Variants in CALCR observed in about 807,000 individuals in gnomAD.
CALCR encodes the protein calcitonin receptor.
A neutral mutation model predicts 59.5 loss-of-function variants in CALCR; 47 were observed. The observed-to-expected ratio is 0.79, with a 90% CI of 0.63 to 1.01. The LOEUF (loss-of-function observed/expected upper bound fraction) is 1.01. Ranked by LOEUF, CALCR falls within the 50% of genes least tolerant of loss-of-function variation. The pLI is 0.00. For missense variants in CALCR, 566 were observed against 597.1 expected (o/e 0.95, Z 0.54); for synonymous variants, 213 against 211.3 (o/e 1.01, Z -0.07).
At chr7:93,556,986 C>T (rs544459228) in intron 2 of CALCR, among the ~76,000 whole-genome samples, 22 of 152,026 alleles carry the variant, frequency 1.4e-4, no homozygotes, top group Non-Finnish European at 2.9e-4. Flanking sequence ...TTTTCTGCTT[C>T]TCTTTGATTA....
At chr7:93,498,850 A>G (rs958146061) in intron 2 of CALCR, among the ~76,000 whole-genome samples, 1 of 151,758 alleles carries the variant, frequency 6.6e-6, no homozygotes, top group Non-Finnish European at 1.5e-5. Context: ...GATTGTAATT[A>G]GCATGTTCAA....
At chr7:93,435,127 C>T (rs928032289) in intron 12 of CALCR, among the ~76,000 whole-genome samples, 3 of 152,116 alleles carry the variant, frequency 2.0e-5, no homozygotes, top group Non-Finnish European at 4.4e-5. Flanking sequence ...GTGCGGCAGA[C>T]ACTGGACAGC....
intron 8 of CALCR, among the ~76,000 whole-genome samples, chr7:93,456,568 T>C (rs1440388317): frequency 6.6e-6 from 1 of 152,148 alleles, no homozygotes; most frequent in Non-Finnish European, 1.5e-5. Context: ...CACAGATATG[T>C]TTCCAAAATA....
chr7:93,492,886 T>C (rs992661002), intron 2 of CALCR, among the ~76,000 whole-genome samples: 1 of 151,308 alleles, frequency 6.6e-6, no homozygotes, highest in Admixed American at 6.6e-5. Context: ...AGAAAGCACA[T>C]AAAAACAACA....
intron 2 of CALCR, among the ~76,000 whole-genome samples, chr7:93,497,588 G>T (rs2115986301): frequency 6.6e-6 from 1 of 151,688 alleles, no homozygotes; most frequent in Admixed American, 6.6e-5. Flanking sequence ...TGCCCTCAGA[G>T]TGGTCTCTCC....
intron 13 of CALCR, among the ~76,000 whole-genome samples, chr7:93,427,474 A>G (rs918076028): frequency 1.3e-5 from 2 of 152,242 alleles, no homozygotes; most frequent in African/African-American, 4.8e-5. Flanking sequence ...TGCTCAGTAC[A>G]TACAACAAGC....
intron 12 of CALCR, among the ~76,000 whole-genome samples, 195 bp downstream of exon 12, chr7:93,435,757 G>A (rs1799758744): frequency 6.6e-6 from 1 of 151,052 alleles, no homozygotes; most frequent in African/African-American, 2.4e-5. Flanking sequence ...AGTGAGTTGA[G>A]ATCATGCCAC....
In CALCR at chr7:93,443,750, C is replaced by T; in HGVS notation, c.656G>A (p.Cys219Tyr). 1 of 1,612,382 alleles carries T rather than the reference C, an allele frequency of 6.2e-7. No homozygotes were observed. The highest frequency in any genetic ancestry group is 1.3e-5 in the African/African-American group (1 of 74,928). Reference protein sequence around the residue: ...GELVRRDPVSCKILHFFHQYM... With the variant: ...GELVRRDPVSYKILHFFHQYM... ...CTGGTGGAAAAAATGCAAAATCTTG[C>T]AGCTCACCTGTCAGAAAGAAAGGAA... Residue 219 changes from cysteine (C) to tyrosine (Y), a missense_variant, in exon 9 of 14, where the codon TGC becomes TAC. Physicochemically the swap from Cys to Tyr is radical, Grantham distance 194 (BLOSUM62 -2). Transcript: ENST00000426151.
intron 13 of CALCR, among the ~76,000 whole-genome samples, chr7:93,428,032 A>G (rs1438909547): frequency 6.6e-6 from 1 of 152,210 alleles, no homozygotes; most frequent in Non-Finnish European, 1.5e-5. Flanking sequence ...GGGGTTAATG[A>G]GTGCTTGCAT....
chr7:93,444,384 G>A (rs1799971450), intron 8 of CALCR, among the ~76,000 whole-genome samples: 1 of 152,028 alleles, frequency 6.6e-6, no homozygotes, highest in Non-Finnish European at 1.5e-5. Context: ...CCACACCCTT[G>A]GAAGAGTCAG....
intron 2 of CALCR, among the ~76,000 whole-genome samples, chr7:93,503,880 C>T (rs1329404933): frequency 2.0e-5 from 3 of 152,126 alleles, no homozygotes; most frequent in Non-Finnish European, 4.4e-5. Context: ...TGCCATTTCA[C>T]TGAGAACTAT....
chr7:93,510,088 A>G (rs1801511369), intron 2 of CALCR, among the ~76,000 whole-genome samples: 2 of 152,160 alleles, frequency 1.3e-5, no homozygotes, highest in African/African-American at 4.8e-5. Flanking sequence ...CTTTGTATAA[A>G]TTTCTTTGTC....
chr7:93,426,613 T>C, intron 13 of CALCR, 24 bp from the exon 14 acceptor site: 1 of 1,214,274 alleles, frequency 8.2e-7, no homozygotes, highest in Non-Finnish European at 1.2e-6. Context: ...AGGAGCCTTG[T>C]TTTTATATGA....
chr7:93,471,577 A>G (rs1800554494), intron 6 of CALCR, among the ~76,000 whole-genome samples: 1 of 151,884 alleles, frequency 6.6e-6, no homozygotes, highest in African/African-American at 2.4e-5. Context: ...ATTATTTAGT[A>G]TACAGGCCTA....
At chr7:93,510,584 A>G (rs1801523987) in intron 2 of CALCR, among the ~76,000 whole-genome samples, 1 of 152,148 alleles carries the variant, frequency 6.6e-6, no homozygotes, top group African/African-American at 2.4e-5. Context: ...GTCTCTAAAG[A>G]GGGTGGGGTA....
At chr7:93,489,498 A>T (rs998554238) in intron 2 of CALCR, among the ~76,000 whole-genome samples, 12 of 151,696 alleles carry the variant, frequency 7.9e-5, no homozygotes, top group Admixed American at 2.0e-4. Context: ...AAAAAAATTT[A>T]AAAAATAGAT....
At chr7:93,490,926 CA>C (rs926956404) in intron 2 of CALCR, among the ~76,000 whole-genome samples, 4 of 150,332 alleles carry the variant, frequency 2.7e-5, no homozygotes, top group Non-Finnish European at 3.0e-5. Flanking sequence ...CGTATGGGAT[CA>C]AAAAAAAACC....
intron 6 of CALCR, among the ~76,000 whole-genome samples, chr7:93,471,668 T>C (rs1800556518): frequency 6.6e-6 from 1 of 151,770 alleles, no homozygotes; most frequent in South Asian, 2.1e-4. Context: ...ATTGACCAAC[T>C]GTAACTCCTT....
intron 8 of CALCR, among the ~76,000 whole-genome samples, chr7:93,456,156 A>G (rs1800204837): frequency 1.3e-5 from 2 of 152,154 alleles, no homozygotes; most frequent in Non-Finnish European, 1.5e-5. Flanking sequence ...ACAGACATGA[A>G]TTAAGTTTTG....
Sources: gnomAD v4.1 joint callset for allele counts (sites outside exome capture counted in the v4.1 genomes callset) on GRCh38, gnomAD v4.1.1 for gene constraint, MANE v1.5 for transcripts, NCBI Gene and HGNC (gene_info 2026-07-23, HGNC 2026-07-21) for gene names.